DOCK3: variants seen among roughly 807,000 people sequenced by gnomAD.
DOCK3 encodes dedicator of cytokinesis 3, also known as dedicator of cytokinesis protein 3.
Under a neutral mutation model 265.6 loss-of-function variants are expected in DOCK3, and 60 were observed. That is an observed-to-expected ratio of 0.23 (90% CI 0.18 to 0.28). The LOEUF (loss-of-function observed/expected upper bound fraction) is 0.28, where lower values mean the gene tolerates loss of function less well. Among genes scored for constraint, DOCK3 ranks in the 10% least tolerant of loss-of-function variants. The pLI, the probability that DOCK3 is intolerant of heterozygous loss-of-function variation, is 1.00. For synonymous variants in DOCK3, 881 were observed against 938.0 expected (o/e 0.94, Z 1.11); for missense variants, 1,981 against 2,594.3 (o/e 0.76, Z 5.14).
chr3:50,978,429 G>T (rs188169866), intron 5 of DOCK3, among the ~76,000 whole-genome samples: 1 of 151,984 alleles, frequency 6.6e-6, no homozygotes, highest in African/African-American at 2.4e-5. Context: ...TGCCCCTGCT[G>T]GGGGGGTGCC....
At chr3:51,290,333 C>T (rs1402843475) in intron 27 of DOCK3, among the ~76,000 whole-genome samples, 1 of 152,166 alleles carries the variant, frequency 6.6e-6, no homozygotes, top group East Asian at 1.9e-4. Context: ...GGCACATATA[C>T]ACCATGGAAT....
chr3:50,752,521 A>C lies in DOCK3; in HGVS notation c.38-26154A>C, dbSNP rs1036542673. Among the ~76,000 whole-genome samples the C allele has an allele frequency of 5.0e-5, 2 of 40,078 alleles. 1 individual carries two copies. Among genetic ancestry groups the C allele is most frequent in the Admixed American group, 6.0e-4 (2 of 3,354 alleles). The allele number at this position is 40,078 out of a possible 152,430, so 26.3% of individuals were successfully genotyped here. A position where few individuals can be genotyped will look rare whatever the true frequency, so the allele number is the denominator to read the frequency against. ...AGAGTCCGTCTCAAAAAAAAAAAAA[A>C]AACAAAAACAACTGGGAGGCCAAGG... On this transcript the variant is annotated intron_variant, in intron 1 of 52. Transcript: ENST00000266037.
At chr3:51,044,010 C>T (rs2080651361) in intron 5 of DOCK3, among the ~76,000 whole-genome samples, 1 of 152,134 alleles carries the variant, frequency 6.6e-6, no homozygotes, top group South Asian at 2.1e-4. Context: ...CTATGGAAGA[C>T]AGTGTGGCAA....
rs996707371 is a variant in DOCK3, at chr3:51,156,952, G to A, written c.829-2292G>A. Among the ~76,000 whole-genome samples, 3 of 152,032 alleles carry A rather than the reference G, an allele frequency of 2.0e-5. No individual in the cohort carries two copies. In the South Asian group the frequency reaches 6.2e-4, roughly 31 times the overall value. On this transcript the variant is annotated intron_variant, in intron 10 of 52. Transcript: ENST00000266037. ...AATCAACATCTTTCAATTCAAAAAA[G>A]TATATAAAAATGGTAACCTGGTTTT...
intron 4 of DOCK3, among the ~76,000 whole-genome samples, chr3:50,917,351 CTT>C (rs2050184309): frequency 6.6e-6 from 1 of 152,020 alleles, no homozygotes; most frequent in South Asian, 2.1e-4. Context: ...GGGAGAAAAA[CTT>C]GATTACTTGG....
chr3:50,916,166 C>G (rs1240929060), intron 4 of DOCK3, among the ~76,000 whole-genome samples: 1 of 152,064 alleles, frequency 6.6e-6, no homozygotes, highest in East Asian at 1.9e-4. Flanking sequence ...GCTCCCTCAG[C>G]TGGGTTTAAG....
At chr3:51,230,769 C>T (rs1322018031) in intron 19 of DOCK3, among the ~76,000 whole-genome samples, 2 of 152,164 alleles carry the variant, frequency 1.3e-5, no homozygotes. Flanking sequence ...TCCGCCTTGG[C>T]CTCCCAAAGT....
intron 3 of DOCK3, among the ~76,000 whole-genome samples, chr3:50,881,914 A>G (rs761307103): frequency 3.9e-5 from 6 of 152,218 alleles, no homozygotes; most frequent in Non-Finnish European, 7.3e-5. Context: ...GGACCAAAAC[A>G]GAGATATAGA....
intron 9 of DOCK3, among the ~76,000 whole-genome samples, chr3:51,093,880 A>G (rs985866705): frequency 6.6e-6 from 1 of 152,160 alleles, no homozygotes; most frequent in South Asian, 2.1e-4. Flanking sequence ...AGCATGAAGC[A>G]GTGTTTAATT....
intron 2 of DOCK3, among the ~76,000 whole-genome samples, chr3:50,783,544 ATTAT>A (rs1403868852): frequency 6.6e-6 from 1 of 151,770 alleles, no homozygotes; most frequent in African/African-American, 2.4e-5. Context: ...TTTTGATGTG[ATTAT>A]TTGTTTTTCT....
At position 51,005,443 on chromosome 3, in the gene DOCK3, T is replaced by C. The variant is rs760968078; in HGVS notation, c.316-59005T>C. Among the ~76,000 whole-genome samples the C allele has an allele frequency of 2.0e-5, 3 of 152,308 alleles. No homozygotes were observed. In the South Asian group the frequency reaches 6.2e-4, roughly 32 times the overall value. On this transcript the variant is annotated intron_variant, in intron 5 of 52. Transcript: ENST00000266037. ...GACTTGCATATTGCTTCCTTGAACTTCCTTCAATGCATATTGCTTCCTTGA... is the reference window on the plus strand; with the variant it reads ...GACTTGCATATTGCTTCCTTGAACTCCCTTCAATGCATATTGCTTCCTTGA...
At chr3:51,130,597 A>C (rs2084485020) in intron 9 of DOCK3, among the ~76,000 whole-genome samples, 1 of 152,196 alleles carries the variant, frequency 6.6e-6, no homozygotes, top group Non-Finnish European at 1.5e-5. Context: ...TAAATGGGAG[A>C]GTTGAATGGG....
chr3:50,685,791 C>T lies in DOCK3; in HGVS notation c.37+10491C>T, dbSNP rs540036374. On this transcript the variant is annotated intron_variant, in intron 1 of 52. Coordinates refer to ENST00000266037, the MANE Select transcript of DOCK3 (RefSeq NM_004947.5). ...AAGGAGACGTGGCTCAAGGGCTGTCCATGGCCTAGAACATGGTGGGGTTGA... is the reference window on the plus strand; with the variant it reads ...AAGGAGACGTGGCTCAAGGGCTGTCTATGGCCTAGAACATGGTGGGGTTGA... 5.6e-5 allele frequency: 11 copies of T among 195,808 alleles called. No individual in the cohort carries two copies. In the South Asian group the frequency reaches 1.4e-3, roughly 25 times the overall value. 12.1% of individuals were successfully genotyped at this position (195,808 alleles called of 1,614,324 possible).
At chr3:50,916,833 C>A (rs143273306) in intron 4 of DOCK3, among the ~76,000 whole-genome samples, 1 of 135,158 alleles carries the variant, frequency 7.4e-6, no homozygotes, top group Non-Finnish European at 1.5e-5. Context: ...GGCAACAGAG[C>A]GAGACTCCGT....
At chr3:51,069,232 TTAAC>T (rs907819718) in intron 6 of DOCK3, among the ~76,000 whole-genome samples, 2 of 152,218 alleles carry the variant, frequency 1.3e-5, no homozygotes, top group Admixed American at 6.5e-5. Flanking sequence ...TGTGTTCAAA[TTAAC>T]TAGTCATCAT....
At chr3:51,330,692 T>C (rs2084459112) in intron 33 of DOCK3, among the ~76,000 whole-genome samples, 2 of 152,264 alleles carry the variant, frequency 1.3e-5, no homozygotes, top group East Asian at 1.9e-4. Context: ...CCAGTTTTCA[T>C]GTTTGTGGAA....
chr3:51,008,847 A>G (rs962796573), intron 5 of DOCK3, among the ~76,000 whole-genome samples: 3 of 152,298 alleles, frequency 2.0e-5, no homozygotes, highest in African/African-American at 7.2e-5. Context: ...AATTTTGTCA[A>G]AGGCCTTTTC....
intron 27 of DOCK3, among the ~76,000 whole-genome samples, chr3:51,309,368 G>A (rs911136438): frequency 1.3e-5 from 2 of 152,314 alleles, no homozygotes; most frequent in Middle Eastern, 3.4e-3. Context: ...GATCACTTGC[G>A]GTTAGGAGCT....
At chr3:50,761,193 A>G (rs1347254988) in intron 1 of DOCK3, among the ~76,000 whole-genome samples, 4 of 152,128 alleles carry the variant, frequency 2.6e-5, no homozygotes, top group African/African-American at 4.8e-5. Context: ...AAAATAAACA[A>G]AGCTGCAATG....
Sources: gnomAD v4.1 joint callset for allele counts (sites outside exome capture counted in the v4.1 genomes callset) on GRCh38, gnomAD v4.1.1 for gene constraint, MANE v1.5 for transcripts, NCBI Gene and HGNC (gene_info 2026-07-23, HGNC 2026-07-21) for gene names.